Variants in MEIKIN observed in about 807,000 individuals in gnomAD.
The protein encoded by MEIKIN is meiotic kinetochore factor.
chr5:131,837,919 C>T (rs1749839734), intron 11 of MEIKIN, among the ~76,000 whole-genome samples: 1 of 152,208 alleles, frequency 6.6e-6, no homozygotes, highest in East Asian at 1.9e-4. Context: ...TGAGAGAGGG[C>T]ATTCTTGGCT....
At chr5:131,850,164 T>C (rs1026661129) in intron 11 of MEIKIN, among the ~76,000 whole-genome samples, 3 of 151,426 alleles carry the variant, frequency 2.0e-5, no homozygotes, top group African/African-American at 4.8e-5. Context: ...CTATAAAACA[T>C]TGGTAAAATA....
chr5:131,842,076 T>A (rs1749925334), intron 11 of MEIKIN, among the ~76,000 whole-genome samples: 1 of 152,056 alleles, frequency 6.6e-6, no homozygotes, highest in Admixed American at 6.6e-5. Flanking sequence ...CTTGGCTCAC[T>A]GCAACCTCCA....
At chr5:131,857,355 A>C (rs1376701108) in intron 9 of MEIKIN, among the ~76,000 whole-genome samples, 3 of 152,196 alleles carry the variant, frequency 2.0e-5, no homozygotes, top group Non-Finnish European at 4.4e-5. Context: ...AAATAGTTCG[A>C]AACACAGGTG....
intron 8 of MEIKIN, among the ~76,000 whole-genome samples, chr5:131,904,565 G>A (rs1385153818): frequency 1.3e-5 from 2 of 152,274 alleles, no homozygotes; most frequent in African/African-American, 4.8e-5. Context: ...TAGTGTAAAA[G>A]TATTAAAGAC....
At chr5:131,880,264 A>T (rs1269198273) in intron 8 of MEIKIN, among the ~76,000 whole-genome samples, 30 of 138,318 alleles carry the variant, frequency 2.2e-4, no homozygotes, top group Middle Eastern at 3.9e-3. Context: ...TAATTTTTGT[A>T]TTTTTTTTTT....
Position 131,872,294 on chromosome 5 carries a change from A to G in MEIKIN, c.774+6684T>C, listed in dbSNP as rs1750519169. On this transcript the variant is annotated intron_variant, in intron 9 of 12. Transcript: ENST00000442687. ...ATAACTAGAATAACCAATGCAGAGAAGTCCTTAAAAGACCTGATGGAGCTG... is the reference window on the plus strand; with the variant it reads ...ATAACTAGAATAACCAATGCAGAGAGGTCCTTAAAAGACCTGATGGAGCTG... Among the ~76,000 whole-genome samples the G allele has an allele frequency of 2.0e-5, 3 of 152,258 alleles. No individual in the cohort carries two copies. The South Asian group carries it at 6.2e-4, about 31-fold the overall frequency.
chr5:131,905,784 A>G (rs902375704), intron 8 of MEIKIN, among the ~76,000 whole-genome samples: 4 of 152,118 alleles, frequency 2.6e-5, no homozygotes, highest in Non-Finnish European at 5.9e-5. Flanking sequence ...TGGGGAAAGG[A>G]CCATTCCATA....
rs137991122 is a variant in MEIKIN at position 131,895,454 on chromosome 5, G to C, written c.703+16361C>G. Among the ~76,000 whole-genome samples, 669 of 152,306 alleles carry C rather than the reference G, an allele frequency of 4.4e-3. 12 individuals carry two copies. The highest frequency in any genetic ancestry group is 0.016 in the African/African-American group (650 of 41,558). ...TTTTCTATTGATGGGAATAGTTTCA[G>C]AAGGAATGGTACCAGCTCCTCTTTG... On this transcript the variant is annotated intron_variant, in intron 8 of 12. Transcript: ENST00000442687.
At chr5:131,883,200 C>G (rs1205061584) in intron 8 of MEIKIN, among the ~76,000 whole-genome samples, 1 of 152,084 alleles carries the variant, frequency 6.6e-6, no homozygotes, top group African/African-American at 2.4e-5. Context: ...TGAGATGCCT[C>G]TAAAATATCC....
chr5:131,840,703 A>G (rs1436313518), intron 11 of MEIKIN, among the ~76,000 whole-genome samples: 3 of 152,194 alleles, frequency 2.0e-5, no homozygotes, highest in Non-Finnish European at 4.4e-5. Flanking sequence ...TATCAGGTCA[A>G]TTACATTCTT....
intron 9 of MEIKIN, among the ~76,000 whole-genome samples, chr5:131,871,494 G>A (rs956963566): frequency 1.3e-5 from 2 of 152,232 alleles, no homozygotes; most frequent in Non-Finnish European, 2.9e-5. Context: ...AAACAAAGCG[G>A]CTGGGAAGCT....
Position 131,852,474 on chromosome 5 carries a change from T to C in MEIKIN, c.856-1091A>G, listed in dbSNP as rs551764440. Among the ~76,000 whole-genome samples the C allele has an allele frequency of 4.6e-5, 7 of 152,236 alleles. No homozygotes were observed. The South Asian group carries it at 1.5e-3, about 32-fold the overall frequency. ...AGCAGTGTGGAAACAGACTAATACA[T>C]AGGTCATAAAAAAGGAATGCAGTAC... On this transcript the variant is annotated intron_variant, in intron 10 of 12. Coordinates refer to ENST00000442687, the MANE Select transcript of MEIKIN (RefSeq NM_001303622.2).
At position 131,937,978 on chromosome 5, in the gene MEIKIN, T is replaced by A. The variant is rs183322454; in HGVS notation, c.350-4337A>T. On this transcript the variant is annotated intron_variant, in intron 4 of 12. Coordinates refer to ENST00000442687, the MANE Select transcript of MEIKIN (RefSeq NM_001303622.2). ...CTTTCAGTAAATACACTCATGACCA[T>A]TTTTAATTCTAGGAAAATTTCTAGC... Among the ~76,000 whole-genome samples, 757 of 151,990 alleles carry A rather than the reference T, an allele frequency of 5.0e-3. 13 individuals are homozygous for A. Among genetic ancestry groups the A allele is most frequent in the South Asian group, 4.4e-3 (21 of 4,778 alleles).
At chr5:131,840,169 A>G (rs988114069) in intron 11 of MEIKIN, among the ~76,000 whole-genome samples, 2 of 152,310 alleles carry the variant, frequency 1.3e-5, no homozygotes, top group African/African-American at 4.8e-5. Flanking sequence ...ACTTTCCTTA[A>G]GAATGTTGAA....
At chr5:131,908,526 C>T (rs1580902025) in intron 8 of MEIKIN, among the ~76,000 whole-genome samples, 2 of 152,184 alleles carry the variant, frequency 1.3e-5, no homozygotes, top group East Asian at 1.9e-4. Context: ...GAAGAAGACA[C>T]GATGCTCACT....
At chr5:131,885,693 T>C (rs1289040171) in intron 8 of MEIKIN, among the ~76,000 whole-genome samples, 1 of 151,966 alleles carries the variant, frequency 6.6e-6, no homozygotes, top group Non-Finnish European at 1.5e-5. Context: ...TTACAAGAAA[T>C]AGCTAACTCT....
chr5:131,930,012 T>C (rs866667000), intron 5 of MEIKIN, among the ~76,000 whole-genome samples: 9 of 152,322 alleles, frequency 5.9e-5, no homozygotes, highest in South Asian at 2.1e-4. Context: ...TGTGTCTTTA[T>C]AGAATGATTC....
At chr5:131,841,024 C>A (rs1486482841) in intron 11 of MEIKIN, among the ~76,000 whole-genome samples, 2 of 151,700 alleles carry the variant, frequency 1.3e-5, no homozygotes, top group Non-Finnish European at 2.9e-5. Flanking sequence ...GATTTTTTTT[C>A]TTTATCTTAT....
intron 5 of MEIKIN, among the ~76,000 whole-genome samples, chr5:131,924,599 C>G (rs1751559535): frequency 6.6e-6 from 1 of 152,028 alleles, no homozygotes; most frequent in South Asian, 2.1e-4. Context: ...TTTTCATATA[C>G]TTGCTGGCTA....
Sources: gnomAD v4.1 joint callset for allele counts (sites outside exome capture counted in the v4.1 genomes callset) on GRCh38, gnomAD v4.1.1 for gene constraint, MANE v1.5 for transcripts, NCBI Gene and HGNC (gene_info 2026-07-23, HGNC 2026-07-21) for gene names.